TBCD: variants seen among roughly 807,000 people sequenced by gnomAD.
TBCD encodes tubulin-specific chaperone D.
TBCD carries 105 observed loss-of-function variants against 169.3 expected under a neutral mutation model. The observed-to-expected ratio is 0.62, with a 90% confidence interval of 0.53 to 0.73. The LOEUF is 0.73. Ranked by LOEUF, TBCD falls within the 30% of genes least tolerant of loss-of-function variation. The pLI is 0.00. For missense variants in TBCD, 1,444 were observed against 1,600.1 expected, an observed-to-expected ratio of 0.90 and a Z score of 1.66; for synonymous variants, 700 against 643.9, an observed-to-expected ratio of 1.09 and a Z score of -1.32.
chr17:82,909,220 T>G, intron 21 of TBCD, 65 bp from the exon 22 acceptor site: 1 of 1,261,670 alleles, frequency 7.9e-7, no homozygotes, highest in Non-Finnish European at 1.1e-6. Context: ...TTTTGACAGT[T>G]GTTAACGTAT....
Position 82,789,610 on chromosome 17 carries a change from CT to C in TBCD, c.771+7890del, listed in dbSNP as rs1167176133. On this transcript the variant is annotated intron_variant, in intron 7 of 38. Transcript: ENST00000355528. The surrounding 1 kb of genome is among the most constrained non-coding windows in gnomAD (Gnocchi z 4.8). ...CCCCTGCCCTCTCCCCTGCCCCGCCCTCACCTGGCTCACAGACCCGTGATGC... is the reference window on the plus strand; with the variant it reads ...CCCCTGCCCTCTCCCCTGCCCCGCCCCACCTGGCTCACAGACCCGTGATGC... Among the ~76,000 whole-genome samples, 1 of 152,224 alleles carries C rather than the reference CT, an allele frequency of 6.6e-6. No individual in the cohort carries two copies. Among genetic ancestry groups the C allele is most frequent in the Non-Finnish European group, 1.5e-5 (1 of 68,030 alleles).
At chr17:82,776,470 A>G (rs1177960490) in intron 6 of TBCD, among the ~76,000 whole-genome samples, 1 of 152,236 alleles carries the variant, frequency 6.6e-6, no homozygotes, top group African/African-American at 2.4e-5. Flanking sequence ...TAATTCTTAT[A>G]CACAGTGCGT....
chr17:82,830,739 T>C, intron 13 of TBCD: 1 of 1,613,998 alleles, frequency 6.2e-7, no homozygotes, highest in Non-Finnish European at 8.5e-7. Flanking sequence ...CGTGGGTGGC[T>C]GCCAGGTTTA....
At chr17:82,809,611 A>G in intron 11 of TBCD, 97 bp from the exon 12 acceptor site, 1 of 1,315,596 alleles carries the variant, frequency 7.6e-7, no homozygotes, top group Non-Finnish European at 1.1e-6. Context: ...TGGTCTCTGG[A>G]GGAAAGGATG....
chr17:82,763,760 A>C (rs1394989195), intron 2 of TBCD, among the ~76,000 whole-genome samples: 1 of 152,040 alleles, frequency 6.6e-6, no homozygotes, highest in Non-Finnish European at 1.5e-5. Context: ...GAAAAAAAAG[A>C]GACGGGTTTT....
intron 30 of TBCD, 44 bp from the exon 31 acceptor site, chr17:82,929,051 GTTTACCGCCCGCTCTTAA>G (rs1226908765): frequency 2.5e-6 from 4 of 1,569,798 alleles, no homozygotes; most frequent in East Asian, 2.3e-5. Flanking sequence ...CCTGTGCTCA[GTTTACCGCCCGCTCTTAA>G]TTTACCGCCC....
intron 14 of TBCD, among the ~76,000 whole-genome samples, chr17:82,877,470 G>A (rs1685510888): frequency 6.6e-6 from 1 of 152,050 alleles, no homozygotes; most frequent in Non-Finnish European, 1.5e-5. Context: ...CTGCCTAGTA[G>A]CTGGGATTAC....
chr17:82,760,631 T>A (rs966366616), intron 2 of TBCD, among the ~76,000 whole-genome samples: 6 of 152,260 alleles, frequency 3.9e-5, no homozygotes, highest in African/African-American at 1.2e-4. Context: ...TTTCTTAACA[T>A]CTTTATAGGG....
chr17:82,869,775 G>A (rs940801247), intron 13 of TBCD, among the ~76,000 whole-genome samples: 7 of 151,056 alleles, frequency 4.6e-5, no homozygotes, highest in Non-Finnish European at 8.8e-5. Flanking sequence ...CTGCCTTTGC[G>A]TGTCCACGAC....
chr17:82,945,437 C>T lies in TBCD; in HGVS notation c.*2974C>T, dbSNP rs1163125819. 1 of 152,176 alleles carries T rather than the reference C, an allele frequency of 6.6e-6. No individual in the cohort carries two copies. Among genetic ancestry groups the T allele is most frequent in the African/African-American group, 2.4e-5 (1 of 41,424 alleles). The allele number at this position is 152,176 out of a possible 1,614,324, so 9.4% of individuals were successfully genotyped here. On this transcript the variant is annotated 3_prime_UTR_variant, in exon 39 of 39. Coordinates refer to ENST00000355528, the MANE Select transcript of TBCD (RefSeq NM_005993.5). ...TGAAACTGCAGAACTGTAAGAAGGACAGAGTGATATAAACGACTACCAATT... is the reference window on the plus strand; with the variant it reads ...TGAAACTGCAGAACTGTAAGAAGGATAGAGTGATATAAACGACTACCAATT...
intron 6 of TBCD, among the ~76,000 whole-genome samples, chr17:82,776,096 C>T (rs1427032415): frequency 6.6e-6 from 1 of 151,958 alleles, no homozygotes; most frequent in Admixed American, 6.6e-5. Flanking sequence ...GTGCGTGCCT[C>T]TAATTCCAGA....
intron 13 of TBCD, among the ~76,000 whole-genome samples, chr17:82,865,904 T>C (rs1253671974): frequency 6.6e-6 from 1 of 152,118 alleles, no homozygotes; most frequent in Non-Finnish European, 1.5e-5. Flanking sequence ...ACAGGCTGTC[T>C]AGAGAGAAGG....
chr17:82,788,363 T>G (rs906437782), intron 7 of TBCD, among the ~76,000 whole-genome samples: 1 of 152,062 alleles, frequency 6.6e-6, no homozygotes, highest in Non-Finnish European at 1.5e-5. Context: ...GGAGTGGGTT[T>G]CTCCCTGTGT....
At chr17:82,779,000 GTTTA>G (rs72200309) in intron 6 of TBCD, among the ~76,000 whole-genome samples, 66,181 of 147,680 alleles carry the variant, frequency 0.45, 15,391 homozygotes, top group African/African-American at 0.58. Context: ...TAGAGATGGG[GTTTA>G]TTTATTTATT....
chr17:82,917,294 AG>A (rs1175382845), intron 23 of TBCD, among the ~76,000 whole-genome samples: 2 of 152,202 alleles, frequency 1.3e-5, no homozygotes, highest in Non-Finnish European at 2.9e-5. Flanking sequence ...CTGGGATTAC[AG>A]GAACATTTTC....
At chr17:82,815,195 G>A (rs1474180919) in intron 13 of TBCD, among the ~76,000 whole-genome samples, 1 of 152,172 alleles carries the variant, frequency 6.6e-6, no homozygotes, top group Non-Finnish European at 1.5e-5. Flanking sequence ...TTTCCTAATT[G>A]CCTCTTTTGT....
chr17:82,772,416 G>C (rs758312746), intron 5 of TBCD, 36 bp from the exon 6 acceptor site: 1 of 1,613,140 alleles, frequency 6.2e-7, no homozygotes, highest in Admixed American at 1.7e-5. Context: ...GGCGTGTGCA[G>C]GAGTGACCGT....
chr17:82,911,718 A>G, intron 22 of TBCD, 40 bp from the exon 23 acceptor site: 2 of 1,605,732 alleles, frequency 1.2e-6, no homozygotes, highest in Admixed American at 1.7e-5. Context: ...TTTATACGTC[A>G]AGAGGTTCTT....
chr17:82,896,057 C>T (rs1963884811), intron 17 of TBCD: 1 of 152,244 alleles, frequency 6.6e-6, no homozygotes, highest in African/African-American at 2.4e-5. Context: ...CGAGAAAAGG[C>T]CCAGGTTTCC....
Sources: allele counts gnomAD v4.1 joint callset (sites outside exome capture counted in the v4.1 genomes callset), GRCh38; gene constraint gnomAD v4.1.1; non-coding constraint Gnocchi (gnomAD v3.1); transcripts MANE v1.5; gene names NCBI Gene and HGNC (gene_info 2026-07-23, HGNC 2026-07-21).